The following SCD5 variants were observed in gnomAD, a reference collection of about 807,000 sequenced individuals.
SCD5 encodes stearoyl-CoA desaturase 5, also known as acyl-CoA-desaturase 4.
A neutral mutation model predicts 30.4 loss-of-function variants in SCD5; 20 were observed. The observed-to-expected ratio is 0.66, with a 90% CI of 0.46 to 0.96. SCD5 has a LOEUF of 0.96. SCD5 is among the 40% of genes least tolerant of loss of function. The pLI, the probability that SCD5 is intolerant of heterozygous loss-of-function variation, is 0.00. For missense variants in SCD5, 381 were observed against 443.3 expected (o/e 0.86, Z 1.26); for synonymous variants, 173 against 176.4 (o/e 0.98, Z 0.16).
chr4:82,722,222 T>C (rs1720382961), intron 1 of SCD5, among the ~76,000 whole-genome samples: 1 of 152,242 alleles, frequency 6.6e-6, no homozygotes, highest in African/African-American at 2.4e-5. Flanking sequence ...CTTTCCTTTA[T>C]ATCCTCTTAA....
chr4:82,705,687 C>T lies in SCD5; in HGVS notation c.233-274G>A, dbSNP rs78394625. Among the ~76,000 whole-genome samples, 771 of 152,314 alleles carry T rather than the reference C, an allele frequency of 5.1e-3. 12 individuals are homozygous for T. Among genetic ancestry groups the T allele is most frequent in the Middle Eastern group, 0.024 (7 of 294 alleles). On this transcript the variant is annotated intron_variant, in intron 1 of 4. Transcript: ENST00000319540. ...TTATTTGCTAATGTTTCTTGCCAGTCTTGATGCAAAGTCACAACCATGTCA... is the reference window on the plus strand; with the variant it reads ...TTATTTGCTAATGTTTCTTGCCAGTTTTGATGCAAAGTCACAACCATGTCA...
intron 3 of SCD5, among the ~76,000 whole-genome samples, chr4:82,654,079 G>C (rs1727818814): frequency 2.6e-5 from 4 of 152,078 alleles, no homozygotes. Flanking sequence ...CACCACCCTG[G>C]CTAATTATTG....
At chr4:82,726,341 C>T (rs374539311) in intron 1 of SCD5, among the ~76,000 whole-genome samples, 24 of 147,574 alleles carry the variant, frequency 1.6e-4, no homozygotes, top group Admixed American at 3.5e-4. Context: ...CGCTTGAACC[C>T]GGGAGATGGA....
chr4:82,675,573 G>A (rs557718310), intron 3 of SCD5, among the ~76,000 whole-genome samples: 21 of 152,262 alleles, frequency 1.4e-4, no homozygotes, highest in Non-Finnish European at 1.3e-4. Flanking sequence ...ATGGCAATAA[G>A]GCAAGGACCT....
chr4:82,779,530 CA>C (rs1459518210), intron 1 of SCD5, among the ~76,000 whole-genome samples: 1 of 152,222 alleles, frequency 6.6e-6, no homozygotes, highest in African/African-American at 2.4e-5. Flanking sequence ...CATCAGTGGG[CA>C]ATGCTGTCCC....
At chr4:82,651,241 G>A (rs1190458969) in intron 3 of SCD5, among the ~76,000 whole-genome samples, 4 of 152,208 alleles carry the variant, frequency 2.6e-5, no homozygotes, top group African/African-American at 4.8e-5. Context: ...ACTGACCTTA[G>A]CTTCTTAAAG....
intron 1 of SCD5, among the ~76,000 whole-genome samples, chr4:82,779,397 C>T (rs11099550): frequency 0.26 from 39,805 of 152,026 alleles, 5,999 homozygotes; most frequent in African/African-American, 0.41. Context: ...AGATTACCCA[C>T]GAGGGCCTCC....
At chr4:82,635,617 C>CT (rs1290063296) in intron 4 of SCD5, among the ~76,000 whole-genome samples, 1 of 16,310 alleles carries the variant, frequency 6.1e-5, no homozygotes. Context: ...GAGACTCCGT[C>CT]TTAAAAAAAA....
At chr4:82,656,461 C>T (rs1578007831) in intron 3 of SCD5, among the ~76,000 whole-genome samples, 1 of 152,166 alleles carries the variant, frequency 6.6e-6, no homozygotes, top group Non-Finnish European at 1.5e-5. Flanking sequence ...GCATAGTATT[C>T]CATGGTATAT....
intron 1 of SCD5, among the ~76,000 whole-genome samples, chr4:82,769,858 G>A (rs1036497898): frequency 3.8e-4 from 58 of 152,068 alleles, no homozygotes; most frequent in African/African-American, 1.3e-3. Flanking sequence ...AACTTTTCGG[G>A]TATAAGAGAG....
intron 1 of SCD5, among the ~76,000 whole-genome samples, chr4:82,765,199 T>A (rs1196623803): frequency 2.0e-5 from 3 of 152,258 alleles, no homozygotes; most frequent in African/African-American, 2.4e-5. Context: ...TGAATTTTTT[T>A]AATTTTTGTA....
intron 1 of SCD5, among the ~76,000 whole-genome samples, chr4:82,784,442 G>A (rs1165016719): frequency 2.0e-5 from 3 of 152,020 alleles, no homozygotes; most frequent in African/African-American, 2.4e-5. Context: ...AAATAGCTTC[G>A]CAATTTTATC....
At chr4:82,715,717 T>G (rs1720212719) in intron 1 of SCD5, among the ~76,000 whole-genome samples, 1 of 151,656 alleles carries the variant, frequency 6.6e-6, no homozygotes, top group Non-Finnish European at 1.5e-5. Flanking sequence ...GGAAAAGAGA[T>G]GCATTGATAA....
At chr4:82,737,895 TA>T (rs1228979819) in intron 1 of SCD5, among the ~76,000 whole-genome samples, 1 of 150,962 alleles carries the variant, frequency 6.6e-6, no homozygotes, top group Non-Finnish European at 1.5e-5. Flanking sequence ...TAAAGAAATC[TA>T]AACAAAACTT....
chr4:82,630,278 A>G lies in SCD5; in HGVS notation c.*1049T>C, dbSNP rs1270614462. 1 of 152,234 alleles carries G rather than the reference A, an allele frequency of 6.6e-6. No homozygotes were observed. Among genetic ancestry groups the G allele is most frequent in the Non-Finnish European group, 1.5e-5 (1 of 68,038 alleles). 9.4% of individuals were successfully genotyped at this position (152,234 alleles called of 1,614,324 possible). ...AGTAGAGCATTAACAAGCTGTAAAC[A>G]CAGCAAAAAAATAAACAAGAGCCAT... On this transcript the variant is annotated 3_prime_UTR_variant, in exon 5 of 5. Transcript: ENST00000319540.
At chr4:82,640,043 G>A (rs926810759) in intron 3 of SCD5, among the ~76,000 whole-genome samples, 6 of 152,288 alleles carry the variant, frequency 3.9e-5, no homozygotes, top group African/African-American at 1.4e-4. Flanking sequence ...ACAGGGAGGT[G>A]CCGTGGCCTC....
intron 1 of SCD5, among the ~76,000 whole-genome samples, chr4:82,752,065 A>C (rs1721115602): frequency 6.6e-6 from 1 of 152,194 alleles, no homozygotes; most frequent in Non-Finnish European, 1.5e-5. Context: ...CCTGTTAAAG[A>C]CCTGCTTTAA....
chr4:82,645,586 C>T (rs1205222900), intron 3 of SCD5, among the ~76,000 whole-genome samples: 2 of 152,164 alleles, frequency 1.3e-5, no homozygotes, highest in South Asian at 2.1e-4. Flanking sequence ...AAATTCTCAT[C>T]GCACCAATAC....
chr4:82,735,111 A>G (rs1720722670), intron 1 of SCD5, among the ~76,000 whole-genome samples: 1 of 152,166 alleles, frequency 6.6e-6, no homozygotes, highest in South Asian at 2.1e-4. Flanking sequence ...CAGGTCCTCA[A>G]AAAAGTGTCA....
Sources: gnomAD v4.1 joint callset for allele counts (sites outside exome capture counted in the v4.1 genomes callset) on GRCh38, gnomAD v4.1.1 for gene constraint, MANE v1.5 for transcripts, NCBI Gene and HGNC (gene_info 2026-07-23, HGNC 2026-07-21) for gene names.